Variants in PDE1C observed in about 807,000 individuals in gnomAD.
PDE1C encodes the protein dual specificity calcium/calmodulin-dependent 3',5'-cyclic nucleotide phosphodiesterase 1C.
A neutral mutation model predicts 93.1 loss-of-function variants in PDE1C; 62 were observed. That is an observed-to-expected ratio of 0.67 (90% CI 0.54 to 0.82). The LOEUF (loss-of-function observed/expected upper bound fraction) is 0.82, where lower values mean the gene tolerates loss of function less well. Among genes scored for constraint, PDE1C ranks in the 40% least tolerant of loss-of-function variants. PDE1C has a pLI of 0.00. For missense variants in PDE1C, 742 were observed against 884.6 expected (o/e 0.84, Z 2.04); for synonymous variants, 325 against 310.1 (o/e 1.05, Z -0.50).
the PDE1C span, among the ~76,000 whole-genome samples, chr7:31,654,167 A>T: frequency 6.6e-6 from 1 of 152,228 alleles, no homozygotes; most frequent in Non-Finnish European, 1.5e-5. Flanking sequence ...TACTGCATTC[A>T]TCAGGGTGCC....
At chr7:32,279,464 T>C (rs1157495456) in intron 1 of PDE1C, among the ~76,000 whole-genome samples, 1 of 152,168 alleles carries the variant, frequency 6.6e-6, no homozygotes, top group East Asian at 1.9e-4. Flanking sequence ...CACAAGAGGA[T>C]GCTGAATGTT....
At chr7:31,651,491 C>G in the PDE1C span, among the ~76,000 whole-genome samples, 2 of 152,096 alleles carry the variant, frequency 1.3e-5, no homozygotes, top group Non-Finnish European at 2.9e-5. Context: ...AAAAGACAGG[C>G]AGTCAGGGGC....
intron 2 of PDE1C, among the ~76,000 whole-genome samples, chr7:31,926,837 C>A (rs569363771): frequency 6.6e-6 from 1 of 152,170 alleles, no homozygotes. Flanking sequence ...ACCACCAGGA[C>A]CCTGGATTTC....
At chr7:32,091,981 G>A (rs1797496706) in intron 3 of PDE1C, among the ~76,000 whole-genome samples, 1 of 152,158 alleles carries the variant, frequency 6.6e-6, no homozygotes, top group African/African-American at 2.4e-5. Flanking sequence ...ATACGTGAGA[G>A]AAGAGTAGAC....
chr7:32,012,228 G>T (rs1344766437), intron 2 of PDE1C, among the ~76,000 whole-genome samples: 1 of 152,108 alleles, frequency 6.6e-6, no homozygotes, highest in African/African-American at 2.4e-5. Flanking sequence ...TCTAGTGAGG[G>T]CCTCTAGTGA....
chr7:32,024,952 C>G (rs1455845967), intron 2 of PDE1C, among the ~76,000 whole-genome samples: 1 of 152,084 alleles, frequency 6.6e-6, no homozygotes, highest in East Asian at 1.9e-4. Flanking sequence ...AAAGTGATGT[C>G]TTCAAGTACC....
intron 17 of PDE1C, among the ~76,000 whole-genome samples, chr7:31,755,224 T>C (rs983697563): frequency 6.6e-6 from 1 of 152,192 alleles, no homozygotes; most frequent in Non-Finnish European, 1.5e-5. Flanking sequence ...GTCCATGTGG[T>C]AATGAACTTG....
At chr7:31,617,766 TTGAAATTGAAGATAATAAAGATAAAA>T in the PDE1C span, among the ~76,000 whole-genome samples, 27 of 152,164 alleles carry the variant, frequency 1.8e-4, no homozygotes, top group African/African-American at 6.3e-4. Flanking sequence ...ATGAGTTTGG[TTGAAATTGAAGATAATAAAGATAAAA>T]TGAAAATGAA....
At chr7:32,204,607 C>T (rs947891132) in intron 2 of PDE1C, among the ~76,000 whole-genome samples, 1 of 152,210 alleles carries the variant, frequency 6.6e-6, no homozygotes, top group Non-Finnish European at 1.5e-5. Flanking sequence ...ACTGTGGCCA[C>T]GTCTGAACAC....
chr7:32,099,073 A>G (rs1307661684), intron 3 of PDE1C, among the ~76,000 whole-genome samples: 2 of 152,248 alleles, frequency 1.3e-5, no homozygotes, highest in East Asian at 1.9e-4. Context: ...GTTGGGGGAC[A>G]GCAATTAATT....
chr7:31,871,979 G>A (rs1157718592), intron 6 of PDE1C, among the ~76,000 whole-genome samples: 1 of 152,136 alleles, frequency 6.6e-6, no homozygotes, highest in African/African-American at 2.4e-5. Flanking sequence ...CAAGCTAAGT[G>A]TCCACCAGTG....
At chr7:32,147,397 C>T (rs1357761530) in intron 3 of PDE1C, among the ~76,000 whole-genome samples, 1 of 152,060 alleles carries the variant, frequency 6.6e-6, no homozygotes, top group African/African-American at 2.4e-5. Context: ...ATATCAGTGG[C>T]CATTAGCCAA....
intron 2 of PDE1C, among the ~76,000 whole-genome samples, chr7:32,033,700 CAA>C (rs1244295935): frequency 6.6e-6 from 1 of 151,956 alleles, no homozygotes; most frequent in Non-Finnish European, 1.5e-5. Flanking sequence ...CCCACAGACC[CAA>C]GAGAGAAATT....
chr7:31,960,210 G>T (rs752262262), intron 2 of PDE1C, among the ~76,000 whole-genome samples: 8 of 152,186 alleles, frequency 5.3e-5, no homozygotes, highest in Middle Eastern at 3.4e-3. Context: ...ACTTTACAAT[G>T]AAGAAAACTG....
chr7:32,303,178 T>C (rs533384642), upstream of PDE1C, among the ~76,000 whole-genome samples: 2 of 152,260 alleles, frequency 1.3e-5, no homozygotes, highest in East Asian at 1.9e-4. Context: ...CCAAATTCCA[T>C]AAGATACCCT....
chr7:31,756,404 A>G (rs117071762), intron 17 of PDE1C, among the ~76,000 whole-genome samples: 1,820 of 152,318 alleles, frequency 0.012, 18 homozygotes, highest in Non-Finnish European at 0.02. Context: ...AATATCTGAC[A>G]GGTATTCCTC....
intron 1 of PDE1C, among the ~76,000 whole-genome samples, chr7:32,215,159 C>T (rs1433923046): frequency 1.3e-5 from 2 of 151,660 alleles, no homozygotes; most frequent in Non-Finnish European, 2.9e-5. Context: ...AGGTGTGCAG[C>T]GGGGACCGAG....
At chr7:31,625,781 AAC>A in the PDE1C span, among the ~76,000 whole-genome samples, 9 of 152,142 alleles carry the variant, frequency 5.9e-5, no homozygotes, top group African/African-American at 2.2e-4. Context: ...TTAAAAAAAA[AAC>A]AGTTAAAGAA....
At chr7:32,312,221 A>C (rs935057655) in intron 1 of PDE1C, among the ~76,000 whole-genome samples, 18 of 152,194 alleles carry the variant, frequency 1.2e-4, no homozygotes, top group Non-Finnish European at 2.1e-4. Context: ...CCTCTTCAAC[A>C]AGAACTACAA....
Sources: gnomAD v4.1 joint callset for allele counts (sites outside exome capture counted in the v4.1 genomes callset) on GRCh38, gnomAD v4.1.1 for gene constraint, MANE v1.5 for transcripts, NCBI Gene and HGNC (gene_info 2026-07-23, HGNC 2026-07-21) for gene names.